SLC35B4: variants seen among roughly 807,000 people sequenced by gnomAD.
The protein encoded by SLC35B4 is solute carrier family 35 member B4.
In SLC35B4, 28 loss-of-function variants were observed where a neutral mutation model predicts 39.5. That is an observed-to-expected ratio of 0.71 (90% CI 0.53 to 0.97). The LOEUF (loss-of-function observed/expected upper bound fraction) is 0.97, where lower values mean the gene tolerates loss of function less well. Ranked by LOEUF, SLC35B4 falls within the 50% of genes least tolerant of loss-of-function variation. SLC35B4 has a pLI of 0.00. For missense variants in SLC35B4, 334 were observed against 414.3 expected (o/e 0.81, Z 1.68); for synonymous variants, 145 against 150.4 (o/e 0.96, Z 0.26).
At chr7:134,300,005 C>A (rs1339416655) in intron 7 of SLC35B4, 147 bp downstream of exon 7, 2 of 580,022 alleles carry the variant, frequency 3.4e-6, no homozygotes, top group Non-Finnish European at 6.0e-6. Context: ...ACCAGAGCAT[C>A]CCATCAAAAC....
chr7:134,302,144 T>C, intron 4 of SLC35B4, 34 bp from the exon 5 acceptor site: 1 of 1,546,128 alleles, frequency 6.5e-7, no homozygotes, highest in Non-Finnish European at 8.9e-7. Context: ...AAAAACACCT[T>C]AGGAAAGCAC....
At chr7:134,318,691 A>G (rs1804049333), upstream of SLC35B4, among the ~76,000 whole-genome samples, 4 of 152,130 alleles carry the variant, frequency 2.6e-5, 1 homozygote, top group South Asian at 6.2e-4. Context: ...CATTTTCCAT[A>G]TATGCCACTA....
chr7:134,313,988 C>T (rs1803910968), intron 1 of SLC35B4, among the ~76,000 whole-genome samples: 1 of 152,068 alleles, frequency 6.6e-6, no homozygotes, highest in Non-Finnish European at 1.5e-5. Flanking sequence ...CACCTCCTCA[C>T]CACTTTATGA....
In SLC35B4 at chr7:134,296,473, A is replaced by G; in HGVS notation, c.674-7T>C. Reference sequence around the variant, plus strand: ...ACGGGAATTTCATATAACTCTGTAGAGGTTACAAGAGGATATAGCCATATT... The same window carrying G: ...ACGGGAATTTCATATAACTCTGTAGGGGTTACAAGAGGATATAGCCATATT... On this transcript the variant is annotated splice_polypyrimidine_tract_variant and splice_region_variant and intron_variant, in intron 8 of 9. Transcript: ENST00000378509. 6.2e-7 allele frequency: 1 copy of G among 1,608,528 alleles called. No homozygotes were observed. The highest frequency in any genetic ancestry group is 1.1e-5 in the South Asian group (1 of 90,508).
At chr7:134,316,585 C>G (rs1803983888) in intron 1 of SLC35B4, 90 bp downstream of exon 1, 1 of 1,363,904 alleles carries the variant, frequency 7.3e-7, no homozygotes, top group Non-Finnish European at 1.0e-6. Flanking sequence ...GGGGTGGGGA[C>G]AGGGCGTGGG....
rs761623713 is a variant in SLC35B4 at position 134,309,378 on chromosome 7, G to C, written c.179C>G (p.Ala60Gly). The change falls in exon 2 of 10, where the codon GCT becomes GGT. Residue 60 changes from alanine to glycine, a missense_variant. By Grantham distance (60) the Ala-to-Gly change is moderately conservative. Coordinates refer to ENST00000378509, the MANE Select transcript of SLC35B4 (RefSeq NM_032826.5). ...TAATGTACCATACCTTATTGGGATA[G>C]CTGGTGGCTTCCTTCCCAAATCAGC... ...FEADLGRKPP[A>G]IPIRYYAIMV... 4.4e-6 allele frequency: 7 copies of C among 1,606,930 alleles called. No homozygotes were observed. Among genetic ancestry groups the C allele is most frequent in the Non-Finnish European group, 5.9e-6 (7 of 1,176,894 alleles).
At chr7:134,308,560 C>T (rs1356609996) in intron 2 of SLC35B4, among the ~76,000 whole-genome samples, 1 of 152,192 alleles carries the variant, frequency 6.6e-6, no homozygotes, top group Non-Finnish European at 1.5e-5. Flanking sequence ...GCCAGATTTT[C>T]TATAGCAGGC....
intron 1 of SLC35B4, among the ~76,000 whole-genome samples, chr7:134,312,757 T>C (rs1358445661): frequency 6.6e-6 from 1 of 152,242 alleles, no homozygotes; most frequent in Non-Finnish European, 1.5e-5. Context: ...TTTCATTCCA[T>C]TTCTAAAGAC....
Position 134,310,548 on chromosome 7 carries a change from T to A in SLC35B4, c.78-1069A>T, listed in dbSNP as rs568375713. Among the ~76,000 whole-genome samples the A allele has an allele frequency of 3.3e-4, 49 of 146,566 alleles. No individual in the cohort carries two copies. In the East Asian group the frequency reaches 8.7e-3, roughly 26 times the overall value. On this transcript the variant is annotated intron_variant, in intron 1 of 9. Coordinates refer to ENST00000378509, the MANE Select transcript of SLC35B4 (RefSeq NM_032826.5). ...GCCTTCGTATTCTGTGTTTTCATCT[T>A]TTTTTTTTTTTTTTGAGACAGAGTC...
At chr7:134,295,221 T>C in intron 9 of SLC35B4, 142 bp from the exon 10 acceptor site, 1 of 1,079,174 alleles carries the variant, frequency 9.3e-7, no homozygotes, top group South Asian at 1.6e-5. Flanking sequence ...AGGCTCCTCC[T>C]GGGGAGAACC....
At position 134,306,705 on chromosome 7, in the gene SLC35B4, G is replaced by T; in HGVS notation, c.261C>A (p.Asn87Lys). The T allele has an allele frequency of 1.2e-6, 2 of 1,614,076 alleles. No individual in the cohort carries two copies. The highest frequency in any genetic ancestry group is 1.7e-6 in the Non-Finnish European group (2 of 1,179,980). ...ATATCATATGCAGGGGCATGGCAAT[G>T]TTGAGATTCAGGGCATAGTTGTTCA... ...SVVNNYALNL[N>K]IAMPLHMIFR... The change falls in exon 3 of 10, where the codon AAC becomes AAA. Residue 87 changes from asparagine (N) to lysine (K), a missense_variant. Coordinates refer to ENST00000378509, the MANE Select transcript of SLC35B4 (RefSeq NM_032826.5).
chr7:134,316,804 C>T lies in SLC35B4; in HGVS notation c.-53G>A. ...GCACAGAGTAAGCGCCCGCCTGTACCGCTACCCCAGGAAGCCGGCCTCCTG... is the reference window on the plus strand; with the variant it reads ...GCACAGAGTAAGCGCCCGCCTGTACTGCTACCCCAGGAAGCCGGCCTCCTG... On this transcript the variant is annotated 5_prime_UTR_variant, in exon 1 of 10. Coordinates refer to ENST00000378509, the MANE Select transcript of SLC35B4 (RefSeq NM_032826.5). 2 of 1,523,834 alleles carry T rather than the reference C, an allele frequency of 1.3e-6. No individual in the cohort carries two copies. Among genetic ancestry groups the T allele is most frequent in the East Asian group, 4.9e-5 (2 of 40,754 alleles). 94.4% of individuals were successfully genotyped at this position (1,523,834 alleles called of 1,614,324 possible).
rs778947488 is a variant in SLC35B4, at chr7:134,300,267, A to C, written c.488-6T>G. 2.5e-6 allele frequency: 4 copies of C among 1,584,364 alleles called. No homozygotes were observed. The highest frequency in any genetic ancestry group is 3.4e-6 in the Non-Finnish European group (4 of 1,164,102). ...AAAAGTCAATGCCCCAATACCTAAA[A>C]AACAAACATCAGGTGACAAGATGTC... On this transcript the variant is annotated splice_polypyrimidine_tract_variant and splice_region_variant and intron_variant, in intron 6 of 9. Transcript: ENST00000378509.
intron 1 of SLC35B4, among the ~76,000 whole-genome samples, chr7:134,316,064 A>C (rs1324208798): frequency 6.6e-6 from 1 of 152,094 alleles, no homozygotes. Flanking sequence ...TTCTACATAA[A>C]AATCTGTTCT....
chr7:134,301,955 G>A (rs1803591181), intron 5 of SLC35B4, 74 bp downstream of exon 5: 3 of 1,532,546 alleles, frequency 2.0e-6, no homozygotes, highest in South Asian at 1.2e-5. Flanking sequence ...ATAAAAATTT[G>A]AATTGTATTA....
Position 134,306,599 on chromosome 7 carries a change from T to C in SLC35B4, c.294+73A>G, listed in dbSNP as rs1042621626. On this transcript the variant is annotated intron_variant, in intron 3 of 9. Coordinates refer to ENST00000378509, the MANE Select transcript of SLC35B4 (RefSeq NM_032826.5). Reference sequence around the variant, plus strand: ...ACTTACTACAAGAACCTTCTAGTTCTGCCATATATTCAATCGATCTACTTA... The same window carrying C: ...ACTTACTACAAGAACCTTCTAGTTCCGCCATATATTCAATCGATCTACTTA... The C allele has an allele frequency of 4.0e-6, 5 of 1,240,252 alleles. No individual in the cohort carries two copies. The African/African-American group carries it at 4.4e-5, about 11-fold the overall frequency. The allele number at this position is 1,240,252 out of a possible 1,614,324, so 76.8% of individuals were successfully genotyped here. A position where few individuals can be genotyped will look rare whatever the true frequency, so the allele number is the denominator to read the frequency against.
rs1803785537 is a variant in SLC35B4, at chr7:134,309,455, A to C, written c.102T>G (p.Ile34Met). The change falls in exon 2 of 10, where the codon ATT becomes ATG. Residue 34 changes from isoleucine (I) to methionine (M), a missense_variant. By Grantham distance (10) the Ile-to-Met change is conservative. Transcript: ENST00000378509. ...TAAATAAAAATTGTGCAAATGTCACAATGTTCCCACATCCTGGATGCTTCC... is the reference window on the plus strand; with the variant it reads ...TAAATAAAAATTGTGCAAATGTCACCATGTTCCCACATCCTGGATGCTTCC... ...LARKHPGCGN[I>M]VTFAQFLFIA... The C allele has an allele frequency of 6.2e-7, 1 of 1,610,814 alleles. No individual in the cohort carries two copies. Among genetic ancestry groups the C allele is most frequent in the African/African-American group, 1.3e-5 (1 of 75,030 alleles).
intron 1 of SLC35B4, among the ~76,000 whole-genome samples, chr7:134,310,576 G>A (rs537001885): frequency 1.4e-5 from 2 of 146,408 alleles, no homozygotes; most frequent in African/African-American, 5.1e-5. Flanking sequence ...ACAGAGTCTC[G>A]CTCTGTCGCC....
At chr7:134,296,548 G>A in intron 8 of SLC35B4, 82 bp from the exon 9 acceptor site, 2 of 929,618 alleles carry the variant, frequency 2.2e-6, no homozygotes, top group South Asian at 3.0e-5. Context: ...AATACAGACT[G>A]AACATAATAG....
Sources: gnomAD v4.1 joint callset for allele counts (sites outside exome capture counted in the v4.1 genomes callset) on GRCh38, gnomAD v4.1.1 for gene constraint, MANE v1.5 for transcripts, NCBI Gene and HGNC (gene_info 2026-07-23, HGNC 2026-07-21) for gene names.